Variants in PCNX2 observed in about 807,000 individuals in gnomAD.
The protein encoded by PCNX2 is pecanex 2.
In PCNX2, 168 loss-of-function variants were observed where a neutral mutation model predicts 223.8. The observed-to-expected ratio is 0.75, with a 90% CI of 0.66 to 0.85. The LOEUF (loss-of-function observed/expected upper bound fraction) is 0.85. Among genes scored for constraint, PCNX2 ranks in the 40% least tolerant of loss-of-function variants. The pLI, the probability that PCNX2 is intolerant of heterozygous loss-of-function variation, is 0.00. For missense variants in PCNX2, 2,507 were observed against 2,675.5 expected, an observed-to-expected ratio of 0.94 and a Z score of 1.39; for synonymous variants, 1,006 against 1,052.6, an observed-to-expected ratio of 0.96 and a Z score of 0.86.
chr1:233,042,401 C>T (rs1298140109), intron 25 of PCNX2, among the ~76,000 whole-genome samples: 1 of 152,208 alleles, frequency 6.6e-6, no homozygotes, highest in African/African-American at 2.4e-5. Context: ...GAAGCCCAAT[C>T]CTATCCCCAG....
At chr1:233,250,960 G>C in intron 7 of PCNX2, 128 bp from the exon 8 acceptor site, 2 of 985,290 alleles carry the variant, frequency 2.0e-6, no homozygotes, top group Middle Eastern at 3.3e-4. Context: ...TGACAATCGG[G>C]GTCCATTCTT....
the PCNX2 span, among the ~76,000 whole-genome samples, chr1:233,307,242 A>G: frequency 1.3e-5 from 2 of 152,168 alleles, no homozygotes; most frequent in Non-Finnish European, 2.9e-5. Flanking sequence ...CTGATCCCCA[A>G]CGGTGGAGGT....
chr1:233,179,089 C>CT lies in PCNX2; in HGVS notation c.3152dup (p.Ser1052GlufsTer3), dbSNP rs769242689. 6.2e-7 allele frequency: 1 copy of CT among 1,613,816 alleles called. No individual in the cohort carries two copies. The highest frequency in any genetic ancestry group is 1.1e-5 in the South Asian group (1 of 91,072). ...ACATGAGTACAGATGGGTCACTGCT[C>CT]TGACGGCTCAGATGGTAAGAAAGGG... On this transcript the variant is annotated frameshift_variant, in exon 16 of 34. Coordinates refer to ENST00000258229, the MANE Select transcript of PCNX2 (RefSeq NM_014801.4). LOFTEE classifies it high-confidence loss of function.
intron 15 of PCNX2, among the ~76,000 whole-genome samples, chr1:233,189,045 C>T (rs1680270289): frequency 6.6e-6 from 1 of 152,194 alleles, no homozygotes; most frequent in African/African-American, 2.4e-5. Context: ...CAGCCTCCCA[C>T]ACCACTTAAC....
intron 21 of PCNX2, chr1:233,112,888 C>T: frequency 2.3e-6 from 3 of 1,289,146 alleles, no homozygotes; most frequent in Non-Finnish European, 3.0e-6. Flanking sequence ...TGTATTTCAG[C>T]CCCTCCCATG....
intron 25 of PCNX2, among the ~76,000 whole-genome samples, chr1:233,035,356 A>T (rs1025861256): frequency 6.6e-6 from 1 of 152,230 alleles, no homozygotes; most frequent in Admixed American, 6.5e-5. Context: ...CTGGATTCAT[A>T]AAAAAATCCA....
At chr1:233,189,130 T>C (rs1488634532) in intron 15 of PCNX2, among the ~76,000 whole-genome samples, 3 of 152,180 alleles carry the variant, frequency 2.0e-5, no homozygotes, top group African/African-American at 7.2e-5. Context: ...CCACATGCGG[T>C]AGGTACTACT....
chr1:233,255,362 C>T (rs1226440985), intron 5 of PCNX2, among the ~76,000 whole-genome samples: 2 of 152,186 alleles, frequency 1.3e-5, no homozygotes, highest in Admixed American at 6.5e-5. Flanking sequence ...AATCAGGGCA[C>T]ATCCGAAGCC....
chr1:233,290,734 CT>C (rs1241868358), intron 1 of PCNX2: 1 of 980,576 alleles, frequency 1.0e-6, no homozygotes, highest in Non-Finnish European at 1.2e-6. Context: ...TGATGTAGGT[CT>C]TATCAAAGAA....
intron 1 of PCNX2, among the ~76,000 whole-genome samples, chr1:233,278,640 G>A (rs552421953): frequency 1.9e-3 from 283 of 152,240 alleles, no homozygotes; most frequent in Admixed American, 3.9e-3. Context: ...GAGTCAGATC[G>A]CATGTCTCTT....
chr1:233,177,596 T>C (rs1434008421), intron 17 of PCNX2, among the ~76,000 whole-genome samples: 1 of 152,246 alleles, frequency 6.6e-6, no homozygotes, highest in Non-Finnish European at 1.5e-5. Flanking sequence ...TCAAGTGATA[T>C]TCTTTACAGC....
In PCNX2 at chr1:233,161,305, G is replaced by T. The variant is rs1471624480; in HGVS notation, c.3332C>A (p.Ala1111Glu). 2.5e-6 allele frequency: 4 copies of T among 1,613,744 alleles called. No homozygotes were observed. The highest frequency in any genetic ancestry group is 1.7e-5 in the Admixed American group (1 of 59,982). ...VCAVVAVLSF[A>E]VSASTVFLSL... ...CAGGAATACAGTGCTGGCGCTGACT[G>T]CAAATGAGAGGACAGCAACCACTGC... The change falls in exon 18 of 34, where the codon GCA (alanine) becomes GAA (glutamate). Residue 1111 changes from alanine (A) to glutamate (E), a missense_variant. By Grantham distance (107) the Ala-to-Glu change is moderately radical. This residue lies in a region of PCNX2 where 1,372 missense variants were observed against 1,509.4 expected (regional missense o/e 0.91). Coordinates refer to ENST00000258229, the MANE Select transcript of PCNX2 (RefSeq NM_014801.4).
At chr1:233,261,451 A>G in intron 3 of PCNX2, 130 bp from the exon 4 acceptor site, 2 of 785,064 alleles carry the variant, frequency 2.5e-6, no homozygotes, top group Non-Finnish European at 2.2e-6. Context: ...TACAGTGTTC[A>G]CTCTCCTTAA....
Position 233,252,383 on chromosome 1 carries a change from T to C in PCNX2, c.2099A>G (p.Asp700Gly). The change falls in exon 7 of 34, where the codon GAT becomes GGT. Residue 700 changes from aspartate (D) to glycine (G), a missense_variant. Physicochemically the swap from Asp to Gly is moderately conservative, Grantham distance 94 (BLOSUM62 -1). This residue lies in a region of PCNX2 where 1,031 missense variants were observed against 1,021.7 expected (regional missense o/e 1.01). Transcript: ENST00000258229. ...TTCATCAATGAAGACATGCATAGCA[T>C]CCACAGATATCTCTTCTTGTACAGA... The part of the protein sequence containing the change: ...ETSVQEEISV[D>G]AMHVFIDEHG... 6.2e-7 allele frequency: 1 copy of C among 1,611,948 alleles called. No homozygotes were observed. Among genetic ancestry groups the C allele is most frequent in the Non-Finnish European group, 8.5e-7 (1 of 1,178,426 alleles).
At chr1:233,203,281 A>C (rs565661642) in intron 13 of PCNX2, among the ~76,000 whole-genome samples, 1 of 152,304 alleles carries the variant, frequency 6.6e-6, no homozygotes, top group Non-Finnish European at 1.5e-5. Flanking sequence ...TTTCTCACCC[A>C]CAGGATAATT....
intron 10 of PCNX2, among the ~76,000 whole-genome samples, chr1:233,218,477 C>T (rs986392463): frequency 6.6e-6 from 1 of 151,970 alleles, no homozygotes; most frequent in Non-Finnish European, 1.5e-5. Flanking sequence ...GTCTTGATCT[C>T]CTGACCTCAT....
chr1:233,295,930 CTTT>C (rs1662081411), upstream of PCNX2, among the ~76,000 whole-genome samples: 2 of 143,474 alleles, frequency 1.4e-5, no homozygotes, highest in East Asian at 2.0e-4. The surrounding 1 kb of genome is among the most constrained non-coding windows in gnomAD (Gnocchi z 4.1). Flanking sequence ...CTCTCTCTCT[CTTT>C]CTTCCTTCCT....
intron 23 of PCNX2, among the ~76,000 whole-genome samples, chr1:233,076,615 C>A (rs911527706): frequency 6.6e-6 from 1 of 152,202 alleles, no homozygotes; most frequent in Admixed American, 6.5e-5. Flanking sequence ...ATTTCCTTCA[C>A]TCCTAAAAGT....
At chr1:233,018,162 AC>A (rs1670750493) in intron 26 of PCNX2, among the ~76,000 whole-genome samples, 1 of 151,746 alleles carries the variant, frequency 6.6e-6, no homozygotes, top group Non-Finnish European at 1.5e-5. Flanking sequence ...AACTAGGGCT[AC>A]AGGTGCAAGC....
Sources: allele counts gnomAD v4.1 joint callset (sites outside exome capture counted in the v4.1 genomes callset), GRCh38; gene constraint gnomAD v4.1.1; regional missense constraint gnomAD v4.1.1; non-coding constraint Gnocchi (gnomAD v3.1); transcripts MANE v1.5; gene names NCBI Gene and HGNC (gene_info 2026-07-23, HGNC 2026-07-21).